The following AP5Z1 variants were observed in gnomAD, a reference collection of about 807,000 sequenced individuals.
AP5Z1 encodes AP-5 complex subunit zeta-1.
AP5Z1 carries 106 observed loss-of-function variants against 83.0 expected under a neutral mutation model. The observed-to-expected ratio is 1.28, with a 90% CI of 1.09 to 1.50. The LOEUF is 1.50. AP5Z1 is among the 40% of genes most tolerant of loss of function. AP5Z1 has a pLI of 0.00. For missense variants in AP5Z1, 1,565 were observed against 1,094.2 expected, an observed-to-expected ratio of 1.43 and a Z score of -6.07; for synonymous variants, 751 against 514.1, an observed-to-expected ratio of 1.46 and a Z score of -6.23.
In AP5Z1 at chr7:4,791,397, C is replaced by T; in HGVS notation, c.*12C>T. On this transcript the variant is annotated 3_prime_UTR_variant, in exon 17 of 17. Transcript: ENST00000649063. ...TCATGCCAGGGTGAAGGGACAGTGGCCAGGGACTTCGGTGCAGATTAAGAG... is the reference window on the plus strand; with the variant it reads ...TCATGCCAGGGTGAAGGGACAGTGGTCAGGGACTTCGGTGCAGATTAAGAG... 4 of 1,596,094 alleles carry T rather than the reference C, an allele frequency of 2.5e-6. No individual in the cohort carries two copies. Among genetic ancestry groups the T allele is most frequent in the Non-Finnish European group, 2.6e-6 (3 of 1,171,088 alleles).
chr7:4,782,587 C>T (rs999813613), intron 3 of AP5Z1, among the ~76,000 whole-genome samples: 2 of 152,030 alleles, frequency 1.3e-5, no homozygotes, highest in Non-Finnish European at 2.9e-5. Context: ...TTGTGGGCCC[C>T]GGCGTACTCA....
chr7:4,790,944 C>A, intron 16 of AP5Z1, 57 bp downstream of exon 16: 1 of 1,512,312 alleles, frequency 6.6e-7, no homozygotes, highest in Non-Finnish European at 8.9e-7. Flanking sequence ...GAGGTGGCTT[C>A]TGAGGTCTTC....
At chr7:4,782,648 C>T (rs968711724) in intron 3 of AP5Z1, among the ~76,000 whole-genome samples, 18 of 152,140 alleles carry the variant, frequency 1.2e-4, no homozygotes, top group Non-Finnish European at 2.4e-4. Flanking sequence ...CCAGCCCCCT[C>T]ACCTCACAGA....
At chr7:4,783,916 C>T in intron 5 of AP5Z1, 118 bp downstream of exon 5, 4 of 1,125,828 alleles carry the variant, frequency 3.6e-6, no homozygotes, top group Non-Finnish European at 5.0e-6. Context: ...CAGGACGAGC[C>T]TGCCTCTGCT....
rs202169962 is a variant in AP5Z1 at position 4,783,439 on chromosome 7, A to G, written c.490A>G (p.Ser164Gly). ...CGTCATGGCCAAGGTCGTGGTCCTC[A>G]GCCCGGGCACCCTCCAGGAGGGTAC... Reference protein sequence around the residue: ...LPVMAKVVVLSPGTLQEDQAT... With the variant: ...LPVMAKVVVLGPGTLQEDQAT... Residue 164 changes from serine to glycine, a missense_variant, in exon 4 of 17, where the codon AGC becomes GGC. Coordinates refer to ENST00000649063, the MANE Select transcript of AP5Z1 (RefSeq NM_014855.3). 408 of 1,612,644 alleles carry G rather than the reference A, an allele frequency of 2.5e-4. 6 individuals carry two copies. In the East Asian group the frequency reaches 8.1e-3, roughly 32 times the overall value.
Position 4,791,320 on chromosome 7 carries a change from C to T in AP5Z1, c.2359C>T (p.Leu787=), listed in dbSNP as rs1190284212. ...CTATCACCGCGATGCCAACACGGCC[C>T]TGCCCCTGGCCCTGCGCACGGTCAG... ...PRYHRDANTA[L]PLALRTVSRL... The change falls in exon 17 of 17, where the codon CTG becomes TTG. Residue 787 remains leucine, a synonymous_variant. Transcript: ENST00000649063. 1 of 1,610,574 alleles carries T rather than the reference C, an allele frequency of 6.2e-7. No individual in the cohort carries two copies.
At chr7:4,789,985 C>CCCCCA in intron 14 of AP5Z1, 56 bp downstream of exon 14, 1 of 789,968 alleles carries the variant, frequency 1.3e-6, no homozygotes, top group Non-Finnish European at 1.8e-6. Context: ...CTGGACTCCT[C>CCCCCA]CCCCTCTCCC....
rs55916241 is a variant in AP5Z1, at chr7:4,776,562, CAAAAAAAAAAAAAA to C, written c.41+816_41+829del. Among the ~76,000 whole-genome samples, 10 of 82,416 alleles carry C rather than the reference CAAAAAAAAAAAAAA, an allele frequency of 1.2e-4. 1 individual carries two copies. Among genetic ancestry groups the C allele is most frequent in the African/African-American group, 3.3e-4 (10 of 30,584 alleles). The allele number at this position is 82,416 out of a possible 152,430, so 54.1% of individuals were successfully genotyped here. ...GGAAACCACGTCTCTACTGAAAATA[CAAAAAAAAAAAAAA>C]AAAAAAAAATTAGCCGGGCGTGGTG... On this transcript the variant is annotated intron_variant, in intron 1 of 16. Transcript: ENST00000649063.
rs886062352 is a variant in AP5Z1, at chr7:4,784,386, G to A, written c.790+15G>A. The A allele has an allele frequency of 1.6e-5, 25 of 1,585,826 alleles. No individual in the cohort carries two copies. Among genetic ancestry groups the A allele is most frequent in the Non-Finnish European group, 2.1e-5 (25 of 1,169,352 alleles). ...CCTGGACACAGGTGTGCGGGGTGGG[G>A]GGATGACGTCAGACAGGGGTGGGAG... On this transcript the variant is annotated intron_variant, in intron 6 of 16. Transcript: ENST00000649063.
intron 12 of AP5Z1, 79 bp from the exon 13 acceptor site, chr7:4,788,761 G>A (rs1004980594): frequency 4.0e-6 from 5 of 1,257,170 alleles, no homozygotes; most frequent in Non-Finnish European, 5.5e-6. Context: ...GTGCGAGAGG[G>A]AGCAGTGGCG....
intron 1 of AP5Z1, among the ~76,000 whole-genome samples, chr7:4,779,263 A>C (rs866131940): frequency 2.4e-4 from 36 of 147,398 alleles, no homozygotes; most frequent in Admixed American, 6.2e-4. Context: ...AATAATGTAT[A>C]TAACATAACA....
At chr7:4,782,282 C>G (rs1022255591) in intron 3 of AP5Z1, among the ~76,000 whole-genome samples, 2 of 152,150 alleles carry the variant, frequency 1.3e-5, no homozygotes, top group Non-Finnish European at 2.9e-5. Flanking sequence ...TCTCAAACTT[C>G]TGGGCTCAAG....
At chr7:4,782,693 C>T (rs1781413332) in intron 3 of AP5Z1, among the ~76,000 whole-genome samples, 1 of 152,156 alleles carries the variant, frequency 6.6e-6, no homozygotes, top group Admixed American at 6.5e-5. Flanking sequence ...TCCGAGATGA[C>T]CCCGGTAATG....
At chr7:4,788,425 G>C in intron 12 of AP5Z1, 131 bp downstream of exon 12, 8 of 1,189,036 alleles carry the variant, frequency 6.7e-6, no homozygotes, top group Non-Finnish European at 8.0e-6. Flanking sequence ...CTGCGTCCCC[G>C]TCATCACCAT....
At chr7:4,776,562 CAAAAAAAAAAAAA>C (rs55916241) in intron 1 of AP5Z1, among the ~76,000 whole-genome samples, 2,317 of 82,426 alleles carry the variant, frequency 0.028, 34 homozygotes, top group South Asian at 0.047. Context: ...ACTGAAAATA[CAAAAAAAAAAAAA>C]AAAAAAAAAA....
chr7:4,790,127 G>GTCCT (rs1781709323), intron 14 of AP5Z1, 198 bp downstream of exon 14: 1 of 1,340,616 alleles, frequency 7.5e-7, no homozygotes, highest in African/African-American at 2.5e-5. Flanking sequence ...GAACATTCCC[G>GTCCT]TCCTTCTTTC....
rs77641479 is a variant in AP5Z1 at position 4,785,995 on chromosome 7, C to T, written c.1133-255C>T. On this transcript the variant is annotated intron_variant, in intron 9 of 16. Transcript: ENST00000649063. ...AATAAACAGACTCTTTTTGCTGTGTCCCTAGCCCAGGAAACCTGAAAGTCT... is the reference window on the plus strand; with the variant it reads ...AATAAACAGACTCTTTTTGCTGTGTTCCTAGCCCAGGAAACCTGAAAGTCT... Among the ~76,000 whole-genome samples the T allele has an allele frequency of 0.026, 3,931 of 152,206 alleles. 177 individuals carry two copies. The highest frequency in any genetic ancestry group is 0.089 in the African/African-American group (3,680 of 41,550).
At chr7:4,776,854 G>T (rs1376799516) in intron 1 of AP5Z1, among the ~76,000 whole-genome samples, 1 of 152,210 alleles carries the variant, frequency 6.6e-6, no homozygotes, top group South Asian at 2.1e-4. Context: ...CCAGGAGGCC[G>T]AGGGTGCAGT....
chr7:4,780,786 C>G (rs888086294), intron 1 of AP5Z1, among the ~76,000 whole-genome samples: 1 of 152,034 alleles, frequency 6.6e-6, no homozygotes, highest in African/African-American at 2.4e-5. Context: ...AAAATTTATT[C>G]TTGTTTCCAT....
Sources: gnomAD v4.1 joint callset for allele counts (sites outside exome capture counted in the v4.1 genomes callset) on GRCh38, gnomAD v4.1.1 for gene constraint, MANE v1.5 for transcripts, NCBI Gene and HGNC (gene_info 2026-07-23, HGNC 2026-07-21) for gene names.